Variants in SEPTIN10 observed in about 807,000 individuals in gnomAD.
SEPTIN10 encodes septin-10.
In SEPTIN10, 66 loss-of-function variants were observed where a neutral mutation model predicts 54.8. The observed-to-expected ratio is 1.21, with a 90% confidence interval of 0.99 to 1.48. SEPTIN10 has a LOEUF of 1.48. SEPTIN10 is among the 40% of genes most tolerant of loss of function. The pLI is 0.00. For synonymous variants in SEPTIN10, 161 were observed against 181.0 expected, an observed-to-expected ratio of 0.89 and a Z score of 0.89; for missense variants, 620 against 545.6, an observed-to-expected ratio of 1.14 and a Z score of -1.36.
intron 2 of SEPTIN10, among the ~76,000 whole-genome samples, chr2:109,591,679 T>C (rs1694101850): frequency 6.6e-6 from 1 of 152,166 alleles, no homozygotes; most frequent in African/African-American, 2.4e-5. Context: ...GATGGATCAC[T>C]TGAGGCCAGG....
At chr2:109,598,597 CT>C (rs1334146167) in intron 1 of SEPTIN10, among the ~76,000 whole-genome samples, 1 of 151,870 alleles carries the variant, frequency 6.6e-6, no homozygotes, top group Non-Finnish European at 1.5e-5. Flanking sequence ...AATCTCAGCA[CT>C]TTGGGAGGCT....
chr2:109,562,072 G>GGGT (rs1685779242), intron 8 of SEPTIN10, among the ~76,000 whole-genome samples: 2 of 152,052 alleles, frequency 1.3e-5, no homozygotes, highest in South Asian at 4.2e-4. Flanking sequence ...AATTAGCTGG[G>GGGT]GGTGGTGGTG....
intron 9 of SEPTIN10, chr2:109,552,885 T>TAA: frequency 1.8e-6 from 1 of 545,006 alleles, no homozygotes; most frequent in Non-Finnish European, 3.1e-6. Context: ...TGTACTGCTT[T>TAA]AAAAAAAAAG....
intron 5 of SEPTIN10, among the ~76,000 whole-genome samples, chr2:109,571,534 T>G (rs569098720): frequency 2.6e-5 from 4 of 152,362 alleles, no homozygotes; most frequent in African/African-American, 7.2e-5. Context: ...ATGCTAAGTA[T>G]GTGTATATCT....
chr2:109,553,054 T>C, intron 9 of SEPTIN10, 33 bp downstream of exon 9: 1 of 1,593,632 alleles, frequency 6.3e-7, no homozygotes, highest in Non-Finnish European at 8.5e-7. Context: ...ATCTAAAAAA[T>C]AAATGCAAAT....
intron 5 of SEPTIN10, among the ~76,000 whole-genome samples, chr2:109,569,989 G>GT (rs1473530226): frequency 2.0e-5 from 3 of 151,774 alleles, no homozygotes; most frequent in Non-Finnish European, 4.4e-5. Flanking sequence ...GTGCCCTTGT[G>GT]TAAGTGAAAA....
intron 2 of SEPTIN10, among the ~76,000 whole-genome samples, chr2:109,591,186 G>A (rs376926296): frequency 3.3e-5 from 5 of 152,112 alleles, no homozygotes; most frequent in East Asian, 1.9e-4. Flanking sequence ...CTTCTTCCTC[G>A]TGAAAGTGTT....
At chr2:109,579,527 G>C (rs2105594954) in intron 4 of SEPTIN10, among the ~76,000 whole-genome samples, 1 of 151,988 alleles carries the variant, frequency 6.6e-6, no homozygotes, top group African/African-American at 2.4e-5. Context: ...GGGATTACAG[G>C]CGCCTGCCAC....
At chr2:109,600,593 A>G (rs1275244142) in intron 1 of SEPTIN10, among the ~76,000 whole-genome samples, 1 of 150,744 alleles carries the variant, frequency 6.6e-6, no homozygotes, top group Non-Finnish European at 1.5e-5. Context: ...AACACAGGAT[A>G]ATTTTGTGAC....
intron 7 of SEPTIN10, 109 bp downstream of exon 7, chr2:109,565,654 C>T: frequency 1.0e-6 from 1 of 975,500 alleles, no homozygotes; most frequent in East Asian, 2.4e-5. Context: ...GCCAATTCCT[C>T]TGACAACCAA....
At chr2:109,550,324 G>A (rs1179312208) in intron 9 of SEPTIN10, among the ~76,000 whole-genome samples, 2 of 140,566 alleles carry the variant, frequency 1.4e-5, no homozygotes, top group African/African-American at 5.5e-5. Context: ...TTTTTTTTTT[G>A]TTTTTTGAGA....
intron 2 of SEPTIN10, 47 bp from the exon 3 acceptor site, chr2:109,585,885 T>G: frequency 2.1e-6 from 3 of 1,451,662 alleles, no homozygotes; most frequent in Non-Finnish European, 2.9e-6. Flanking sequence ...AAAAACAACT[T>G]TGACTTAAAT....
chr2:109,595,473 A>G (rs562364812), intron 1 of SEPTIN10, among the ~76,000 whole-genome samples: 1 of 152,318 alleles, frequency 6.6e-6, no homozygotes, highest in East Asian at 1.9e-4. Flanking sequence ...GTACCTAAGC[A>G]GTATCACGTC....
chr2:109,594,401 G>A (rs1373679393), intron 1 of SEPTIN10, among the ~76,000 whole-genome samples: 1 of 152,120 alleles, frequency 6.6e-6, no homozygotes, highest in Non-Finnish European at 1.5e-5. Flanking sequence ...CCAGAGAGAG[G>A]CTGTGCATGT....
chr2:109,576,302 T>C (rs1456103813), intron 4 of SEPTIN10, among the ~76,000 whole-genome samples: 2 of 151,988 alleles, frequency 1.3e-5, no homozygotes, highest in Admixed American at 6.5e-5. Flanking sequence ...TCTCGTTGTG[T>C]TGCCCGGGCT....
chr2:109,613,897 G>A lies in SEPTIN10; in HGVS notation c.-70C>T, dbSNP rs1279023820. 2 of 1,229,404 alleles carry A rather than the reference G, an allele frequency of 1.6e-6. No homozygotes were observed. The highest frequency in any genetic ancestry group is 4.3e-5 in the Admixed American group (1 of 23,520). 76.2% of individuals were successfully genotyped at this position (1,229,404 alleles called of 1,614,324 possible). A position where few individuals can be genotyped will look rare whatever the true frequency, so the allele number is the denominator to read the frequency against. On this transcript the variant is annotated 5_prime_UTR_variant, in exon 1 of 11. Coordinates refer to ENST00000397712, the MANE Select transcript of SEPTIN10 (RefSeq NM_144710.5). ...CCGAGCGGCTGGTCCCGGCGACGGC[G>A]GCGGGAAGGCCGGAGGGCAGAAGCA...
intron 1 of SEPTIN10, among the ~76,000 whole-genome samples, chr2:109,611,602 T>C (rs1046952662): frequency 1.3e-5 from 2 of 151,056 alleles, no homozygotes; most frequent in Admixed American, 6.6e-5. Flanking sequence ...CTACAAAAAA[T>C]ACAAAAATTT....
chr2:109,568,807 G>A (rs1161767277), intron 5 of SEPTIN10, among the ~76,000 whole-genome samples: 18 of 152,102 alleles, frequency 1.2e-4, no homozygotes, highest in Non-Finnish European at 2.6e-4. Context: ...ATGCCTACCT[G>A]TGCCCCACTG....
intron 5 of SEPTIN10, among the ~76,000 whole-genome samples, chr2:109,569,227 G>A (rs530904426): frequency 1.4e-4 from 22 of 152,060 alleles, no homozygotes; most frequent in Non-Finnish European, 2.2e-4. Flanking sequence ...TCGGGAGTTC[G>A]AGACCAGCCT....
Sources: gnomAD v4.1 joint callset for allele counts (sites outside exome capture counted in the v4.1 genomes callset) on GRCh38, gnomAD v4.1.1 for gene constraint, MANE v1.5 for transcripts, NCBI Gene and HGNC (gene_info 2026-07-23, HGNC 2026-07-21) for gene names.